ROBO2: variants seen among roughly 807,000 people sequenced by gnomAD.
ROBO2 encodes the protein roundabout homolog 2.
A neutral mutation model predicts 160.8 loss-of-function variants in ROBO2; 53 were observed. The observed-to-expected ratio is 0.33, with a 90% confidence interval of 0.26 to 0.41. ROBO2 has a LOEUF of 0.41. ROBO2 is among the 10% of genes least tolerant of loss of function. The probability of loss-of-function intolerance (pLI) is 1.00; values close to 1 mark genes in which losing one functional copy is unlikely to be tolerated. For missense variants in ROBO2, 1,577 were observed against 1,722.4 expected (o/e 0.92, Z 1.49); for synonymous variants, 664 against 611.7 (o/e 1.09, Z -1.26).
intron 2 of ROBO2, among the ~76,000 whole-genome samples, chr3:76,837,286 A>G (rs1255754743): frequency 6.6e-6 from 1 of 151,882 alleles, no homozygotes; most frequent in Non-Finnish European, 1.5e-5. Flanking sequence ...GCTTTACATA[A>G]TGCACATACT....
chr3:77,098,243 C>A, exon 2 of ROBO2: 1 of 1,614,144 alleles, frequency 6.2e-7, no homozygotes, highest in African/African-American at 1.3e-5. Flanking sequence ...GCATCGTGCA[C>A]GGGCGCAGGA....
At chr3:76,110,757 A>G (rs575102210) in intron 2 of ROBO2, among the ~76,000 whole-genome samples, 1 of 152,280 alleles carries the variant, frequency 6.6e-6, no homozygotes, top group East Asian at 1.9e-4. Context: ...TAAAAAAAGT[A>G]TTAAGAAATG....
At chr3:76,600,047 A>C (rs142921292) in intron 2 of ROBO2, among the ~76,000 whole-genome samples, 1 of 152,252 alleles carries the variant, frequency 6.6e-6, no homozygotes, top group East Asian at 1.9e-4. Context: ...CTTTCATTTA[A>C]TTAGATCTGA....
At chr3:76,989,417 TATGATA>T (rs1447601199) in intron 2 of ROBO2, among the ~76,000 whole-genome samples, 1 of 152,122 alleles carries the variant, frequency 6.6e-6, no homozygotes, top group African/African-American at 2.4e-5. Flanking sequence ...CTATACATAA[TATGATA>T]ATAAAAGTAT....
chr3:76,996,398 T>A (rs185354862), intron 2 of ROBO2, among the ~76,000 whole-genome samples: 1 of 152,210 alleles, frequency 6.6e-6, no homozygotes, highest in Non-Finnish European at 1.5e-5. Flanking sequence ...TGCCTCCAGC[T>A]TTGTTCTTTT....
At chr3:76,728,135 G>A (rs938080445) in intron 2 of ROBO2, among the ~76,000 whole-genome samples, 1 of 151,142 alleles carries the variant, frequency 6.6e-6, no homozygotes, top group Non-Finnish European at 1.5e-5. Context: ...TTGTAGGCAC[G>A]TGCTCTTGCT....
At chr3:77,561,536 C>T (rs1215870165) in intron 9 of ROBO2, among the ~76,000 whole-genome samples, 1 of 152,066 alleles carries the variant, frequency 6.6e-6, no homozygotes, top group Admixed American at 6.6e-5. Flanking sequence ...AAAGAGGACT[C>T]TTGATTATAT....
chr3:77,039,980 G>T (rs1438525013), exon 1 of ROBO2: 7 of 505,640 alleles, frequency 1.4e-5, no homozygotes, highest in Non-Finnish European at 1.8e-5. Flanking sequence ...GCTCGCGCCC[G>T]CAGCCGCCTG....
intron 2 of ROBO2, among the ~76,000 whole-genome samples, chr3:76,892,945 C>T (rs988794746): frequency 6.6e-6 from 1 of 152,076 alleles, no homozygotes; most frequent in Admixed American, 6.6e-5. Context: ...CCATCTGTTC[C>T]AACAACTCTT....
At chr3:77,502,375 A>G (rs559150653) in intron 5 of ROBO2, among the ~76,000 whole-genome samples, 1 of 152,314 alleles carries the variant, frequency 6.6e-6, no homozygotes, top group Non-Finnish European at 1.5e-5. Context: ...CCCATAATAT[A>G]TGTTTATTAT....
intron 2 of ROBO2, among the ~76,000 whole-genome samples, chr3:76,993,094 A>G (rs559100677): frequency 6.6e-6 from 1 of 152,292 alleles, no homozygotes; most frequent in South Asian, 2.1e-4. Context: ...CTGGGATAAC[A>G]GGCATGAGCC....
chr3:76,062,879 A>G (rs1376105731), intron 2 of ROBO2, among the ~76,000 whole-genome samples: 1 of 152,182 alleles, frequency 6.6e-6, no homozygotes, highest in African/African-American at 2.4e-5. Context: ...GGAGATTTCA[A>G]AATTGTTAAA....
At chr3:77,509,751 G>T in intron 5 of ROBO2, among the ~76,000 whole-genome samples, 1 of 151,994 alleles carries the variant, frequency 6.6e-6, no homozygotes, top group East Asian at 1.9e-4. Flanking sequence ...CTTCCTGCAC[G>T]TGTACAGCCT....
At chr3:77,474,391 G>A (rs1560938217) in intron 2 of ROBO2, among the ~76,000 whole-genome samples, 1 of 152,074 alleles carries the variant, frequency 6.6e-6, no homozygotes, top group Non-Finnish European at 1.5e-5. Context: ...AAACATCAGA[G>A]GCAAAGGGGA....
intron 2 of ROBO2, among the ~76,000 whole-genome samples, chr3:76,371,536 T>C (rs145004378): frequency 0.029 from 4,361 of 151,972 alleles, 199 homozygotes; most frequent in African/African-American, 0.1. Context: ...TTGCACATAC[T>C]GTATTGACTG....
chr3:76,382,749 A>G (rs1005354140), intron 2 of ROBO2, among the ~76,000 whole-genome samples: 4 of 152,246 alleles, frequency 2.6e-5, no homozygotes, highest in Non-Finnish European at 5.9e-5. Context: ...GGACAATTAC[A>G]GAAATAGGAA....
intron 2 of ROBO2, among the ~76,000 whole-genome samples, chr3:77,110,690 T>C (rs977330511): frequency 6.7e-6 from 1 of 148,460 alleles, no homozygotes; most frequent in African/African-American, 2.5e-5. Context: ...TATACATATA[T>C]ATATATAGAG....
chr3:77,471,182 C>A (rs182854451), intron 2 of ROBO2, among the ~76,000 whole-genome samples: 2 of 152,072 alleles, frequency 1.3e-5, no homozygotes, highest in African/African-American at 2.4e-5. Flanking sequence ...ATTGTCATTG[C>A]TAATTTGTTT....
chr3:76,889,699 A>AAGAT lies in ROBO2; in HGVS notation c.110-208312_110-208309dup, dbSNP rs2074192220. On this transcript the variant is annotated intron_variant, in intron 2 of 26. Transcript: ENST00000487694. ...CTGTGTGGATTACACTTTGCTAAGGAAGATAGTAACAGATGTTTATGTAAA... is the reference window on the plus strand; with the variant it reads ...CTGTGTGGATTACACTTTGCTAAGGAAGATAGATAGTAACAGATGTTTATGTAAA... Among the ~76,000 whole-genome samples, 4 of 152,334 alleles carry AAGAT rather than the reference A, an allele frequency of 2.6e-5. No homozygotes were observed. The Middle Eastern group carries it at 0.01, about 389-fold the overall frequency.
Sources: allele counts gnomAD v4.1 joint callset (sites outside exome capture counted in the v4.1 genomes callset), GRCh38; gene constraint gnomAD v4.1.1; transcripts MANE v1.5; gene names NCBI Gene and HGNC (gene_info 2026-07-23, HGNC 2026-07-21).